Variants in ADCY2 observed in about 807,000 individuals in gnomAD.
ADCY2 encodes adenylate cyclase 2.
Under a neutral mutation model 125.2 loss-of-function variants are expected in ADCY2, and 31 were observed. The observed-to-expected ratio is 0.25, with a 90% confidence interval of 0.19 to 0.33. ADCY2 has a LOEUF of 0.33. Ranked by LOEUF, ADCY2 falls within the 10% of genes least tolerant of loss-of-function variation. The probability of loss-of-function intolerance (pLI) is 1.00; values close to 1 mark genes in which losing one functional copy is unlikely to be tolerated. For synonymous variants in ADCY2, 512 were observed against 548.4 expected, an observed-to-expected ratio of 0.93 and a Z score of 0.93; for missense variants, 904 against 1,418.2, an observed-to-expected ratio of 0.64 and a Z score of 5.82.
chr5:7,770,628 C>A (rs1482343902), intron 17 of ADCY2, among the ~76,000 whole-genome samples: 1 of 152,138 alleles, frequency 6.6e-6, no homozygotes, highest in Non-Finnish European at 1.5e-5. Context: ...TTGAGTGACT[C>A]ATGGAAGACA....
intron 2 of ADCY2, among the ~76,000 whole-genome samples, chr5:7,426,839 G>C (rs1740406193): frequency 6.6e-6 from 1 of 152,120 alleles, no homozygotes; most frequent in South Asian, 2.1e-4. Flanking sequence ...TAAAGAGTGT[G>C]ACCCAAATGA....
At chr5:7,770,380 T>C (rs1326882235) in intron 17 of ADCY2, among the ~76,000 whole-genome samples, 2 of 152,204 alleles carry the variant, frequency 1.3e-5, no homozygotes, top group African/African-American at 2.4e-5. Flanking sequence ...AAGTGGTTCC[T>C]TATTCTGCTC....
chr5:7,498,664 A>G (rs1743435811), intron 2 of ADCY2, among the ~76,000 whole-genome samples: 1 of 152,206 alleles, frequency 6.6e-6, no homozygotes, highest in African/African-American at 2.4e-5. Flanking sequence ...CAGCAATTTC[A>G]TTCCTCAGTT....
chr5:7,670,578 A>G (rs1371860331), intron 4 of ADCY2, among the ~76,000 whole-genome samples: 1 of 152,232 alleles, frequency 6.6e-6, no homozygotes, highest in Non-Finnish European at 1.5e-5. Context: ...GCACACATGC[A>G]TGTTATAAAA....
intron 3 of ADCY2, among the ~76,000 whole-genome samples, chr5:7,610,397 A>T (rs1737538723): frequency 6.6e-6 from 1 of 152,088 alleles, no homozygotes; most frequent in African/African-American, 2.4e-5. Flanking sequence ...CTGCTGAGAG[A>T]GCCACTCAGG....
chr5:7,498,239 GTTT>G (rs910360437), intron 2 of ADCY2, among the ~76,000 whole-genome samples: 1 of 62,114 alleles, frequency 1.6e-5, no homozygotes, highest in African/African-American at 5.6e-5. Context: ...TTCTTTTTTC[GTTT>G]TTTTTTTTTT....
chr5:7,647,358 C>T (rs1414722825), intron 4 of ADCY2, among the ~76,000 whole-genome samples: 1 of 152,148 alleles, frequency 6.6e-6, no homozygotes, highest in Admixed American at 6.5e-5. Flanking sequence ...GCCACGTAAG[C>T]AATGATAATA....
intron 3 of ADCY2, among the ~76,000 whole-genome samples, chr5:7,557,187 T>A (rs1277818572): frequency 1.1e-4 from 11 of 98,084 alleles, no homozygotes; most frequent in African/African-American, 3.2e-4. Context: ...ACATATTATA[T>A]ATGTGATATA....
chr5:7,756,351 A>T (rs1742990318), intron 15 of ADCY2, among the ~76,000 whole-genome samples: 1 of 152,186 alleles, frequency 6.6e-6, no homozygotes, highest in Admixed American at 6.5e-5. Context: ...CAAAGATCTC[A>T]ATTCCTTCTT....
chr5:7,655,027 G>C (rs1314914897), intron 4 of ADCY2, among the ~76,000 whole-genome samples: 2 of 152,154 alleles, frequency 1.3e-5, no homozygotes, highest in South Asian at 4.1e-4. Flanking sequence ...TTAGGTTTTA[G>C]ACACTGAGAG....
At chr5:7,609,263 T>C (rs1356727319) in intron 3 of ADCY2, among the ~76,000 whole-genome samples, 1 of 152,204 alleles carries the variant, frequency 6.6e-6, no homozygotes. Flanking sequence ...ACTACAAAGT[T>C]TTCTCACTAA....
chr5:7,697,485 C>T lies in ADCY2; in HGVS notation c.982-762C>T, dbSNP rs117905242. Among the ~76,000 whole-genome samples, 20 of 152,260 alleles carry T rather than the reference C, an allele frequency of 1.3e-4. No individual in the cohort carries two copies. The East Asian group carries it at 3.5e-3, about 26-fold the overall frequency. ...TAACCTTACACTAAGGAACTCAAAA[C>T]CATTGCCATTCACTGTAACTGTCAT... On this transcript the variant is annotated intron_variant, in intron 6 of 24. Coordinates refer to ENST00000338316, the MANE Select transcript of ADCY2 (RefSeq NM_020546.3).
Position 7,827,010 on chromosome 5 carries a change from A to G in ADCY2, c.*139A>G, listed in dbSNP as rs1745503962. ...CTCTGCAGACTCGTTCTCGTGACCC[A>G]GTGGCATACCGTTTGGTGTCTGATG... On this transcript the variant is annotated 3_prime_UTR_variant, in exon 25 of 25. Transcript: ENST00000338316. 1.9e-6 allele frequency: 2 copies of G among 1,036,560 alleles called. No homozygotes were observed. The highest frequency in any genetic ancestry group is 2.7e-6 in the Non-Finnish European group (2 of 727,796). 64.2% of individuals were successfully genotyped at this position (1,036,560 alleles called of 1,614,324 possible). A position where few individuals can be genotyped will look rare whatever the true frequency, so the allele number is the denominator to read the frequency against.
chr5:7,583,905 A>C (rs899672085), intron 3 of ADCY2, among the ~76,000 whole-genome samples: 1 of 152,164 alleles, frequency 6.6e-6, no homozygotes, highest in African/African-American at 2.4e-5. Context: ...GTAAAAAGGA[A>C]CAAGCAACTG....
chr5:7,632,997 C>T (rs546064215), intron 4 of ADCY2, among the ~76,000 whole-genome samples: 6 of 152,106 alleles, frequency 3.9e-5, no homozygotes, highest in South Asian at 2.1e-4. Context: ...GTTACAGATC[C>T]AAGATCCAGG....
chr5:7,403,157 A>AT lies in ADCY2; in HGVS notation c.210+6661dup, dbSNP rs148644713. Among the ~76,000 whole-genome samples the AT allele has an allele frequency of 3.4e-3, 513 of 148,894 alleles. 1 individual carries two copies. Among genetic ancestry groups the AT allele is most frequent in the African/African-American group, 0.011 (464 of 40,664 alleles). Reference sequence around the variant, plus strand: ...CGTGTGTGTGTTTTTAGTGTCCTGTATTTTTTTTTTAGGTATATAGAGAAA... The same window carrying AT: ...CGTGTGTGTGTTTTTAGTGTCCTGTATTTTTTTTTTTAGGTATATAGAGAAA... On this transcript the variant is annotated intron_variant, in intron 1 of 24. Coordinates refer to ENST00000338316, the MANE Select transcript of ADCY2 (RefSeq NM_020546.3).
intron 14 of ADCY2, among the ~76,000 whole-genome samples, chr5:7,733,524 G>C (rs1021565569): frequency 2.6e-5 from 4 of 152,184 alleles, no homozygotes; most frequent in Admixed American, 1.3e-4. Flanking sequence ...CAAGGGCTCA[G>C]TTCTGGACAT....
Position 7,766,881 on chromosome 5 carries a change from G to A in ADCY2, c.2214+75G>A, listed in dbSNP as rs766741154. ...TAGTCTGTATAACATATATCCTTTA[G>A]TCTCAGATCTGTTCTAGACTTTGCA... On this transcript the variant is annotated intron_variant, in intron 17 of 24. Coordinates refer to ENST00000338316, the MANE Select transcript of ADCY2 (RefSeq NM_020546.3). 1.9e-4 allele frequency: 293 copies of A among 1,518,464 alleles called. 2 individuals carry two copies. The highest frequency in any genetic ancestry group is 4.0e-5 in the Non-Finnish European group (46 of 1,137,352). The allele number at this position is 1,518,464 out of a possible 1,614,324, so 94.1% of individuals were successfully genotyped here.
chr5:7,806,215 C>A (rs1209899494), intron 22 of ADCY2, among the ~76,000 whole-genome samples: 2 of 151,998 alleles, frequency 1.3e-5, no homozygotes, highest in Non-Finnish European at 2.9e-5. Context: ...CTATTTATAA[C>A]CCAAACCAGA....
Sources: gnomAD v4.1 joint callset for allele counts (sites outside exome capture counted in the v4.1 genomes callset) on GRCh38, gnomAD v4.1.1 for gene constraint, MANE v1.5 for transcripts, NCBI Gene and HGNC (gene_info 2026-07-23, HGNC 2026-07-21) for gene names.